The following COL19A1 variants were observed in gnomAD, a reference collection of about 807,000 sequenced individuals.
COL19A1 encodes collagen type XIX alpha 1 chain, also known as collagen alpha-1(XIX) chain.
Under a neutral mutation model 190.2 loss-of-function variants are expected in COL19A1, and 159 were observed. The observed-to-expected ratio is 0.84, with a 90% confidence interval of 0.73 to 0.95. COL19A1 has a LOEUF of 0.95. Among genes scored for constraint, COL19A1 ranks in the 40% least tolerant of loss-of-function variants. The probability of loss-of-function intolerance (pLI) is 0.00; values close to 1 mark genes in which losing one functional copy is unlikely to be tolerated. For missense variants in COL19A1, 1,418 were observed against 1,431.9 expected (o/e 0.99, Z 0.16); for synonymous variants, 509 against 458.9 (o/e 1.11, Z -1.39).
At chr6:70,156,777 C>A (rs1361294461) in intron 34 of COL19A1, 54 bp downstream of exon 34, 4 of 1,406,550 alleles carry the variant, frequency 2.8e-6, no homozygotes, top group African/African-American at 1.4e-5. Context: ...CTTTACGTGG[C>A]TCAACAGAGT....
chr6:70,180,317 A>T lies in COL19A1; in HGVS notation c.2673A>T (p.Lys891Asn). 6.2e-7 allele frequency: 1 copy of T among 1,614,094 alleles called. No homozygotes were observed. The change falls in exon 43 of 51, where the codon AAA becomes AAT. Residue 891 changes from lysine (K) to asparagine (N), a missense_variant. Lys to Asn is a moderately conservative substitution (Grantham distance 94). Transcript: ENST00000620364. The part of the protein sequence containing the change: ...GPPGIAGMSG[K>N]PGAPGPPGVP... ...TCTTCAATTTGCCTTGCCAGGGAAA[A>T]CCTGGTGCCCCAGGGCCTCCAGGAG... is the stretch of plus-strand genomic sequence containing the variant.
At chr6:69,910,306 A>C (rs1356660477) in intron 4 of COL19A1, among the ~76,000 whole-genome samples, 1 of 152,180 alleles carries the variant, frequency 6.6e-6, no homozygotes, top group Non-Finnish European at 1.5e-5. Context: ...TTCTTGTATC[A>C]ATGGTACCAC....
chr6:70,038,854 A>G (rs1314910780), intron 14 of COL19A1, among the ~76,000 whole-genome samples: 3 of 152,036 alleles, frequency 2.0e-5, no homozygotes, highest in Non-Finnish European at 4.4e-5. Context: ...CCATAGATCA[A>G]TGGTTCTCTG....
intron 9 of COL19A1, among the ~76,000 whole-genome samples, chr6:69,943,852 A>G (rs1773622528): frequency 6.6e-6 from 1 of 152,164 alleles, no homozygotes. Context: ...ATTTATACAC[A>G]TACATTATGA....
intron 4 of COL19A1, among the ~76,000 whole-genome samples, chr6:69,905,651 G>A (rs1473273180): frequency 2.6e-5 from 4 of 152,188 alleles, no homozygotes; most frequent in Non-Finnish European, 5.9e-5. Context: ...GGAGTTATAC[G>A]CCTGTGCTCT....
rs554603409 is a variant in COL19A1, at chr6:70,135,416, C to T, written c.1384-2269C>T. On this transcript the variant is annotated intron_variant, in intron 18 of 50. Transcript: ENST00000620364. Reference sequence around the variant, plus strand: ...GTCCTTCTGGTGACCAGCCCAATCCCGAAGCTACCTAGGGGCTGCCAGCTA... The same window carrying T: ...GTCCTTCTGGTGACCAGCCCAATCCTGAAGCTACCTAGGGGCTGCCAGCTA... 3.0e-4 allele frequency among the ~76,000 whole-genome samples: 46 copies of T among 152,268 alleles called. No homozygotes were observed. In the South Asian group the frequency reaches 4.1e-3, roughly 14 times the overall value.
intron 15 of COL19A1, among the ~76,000 whole-genome samples, chr6:70,087,775 C>A (rs3806018): frequency 0.15 from 22,685 of 152,112 alleles, 2,189 homozygotes; most frequent in South Asian, 0.28. Context: ...GGGAAGAAAG[C>A]AAGAAAACTG....
intron 14 of COL19A1, among the ~76,000 whole-genome samples, chr6:70,063,006 C>T (rs1216565116): frequency 6.6e-6 from 1 of 152,036 alleles, no homozygotes; most frequent in Non-Finnish European, 1.5e-5. Context: ...CTACAAAGAG[C>T]CTTAGACTCC....
At chr6:70,192,164 G>T (rs566591691) in intron 48 of COL19A1, among the ~76,000 whole-genome samples, 1 of 152,080 alleles carries the variant, frequency 6.6e-6, no homozygotes, top group Non-Finnish European at 1.5e-5. Context: ...GGGTTCAAGC[G>T]ATTCTCCTGC....
At chr6:69,908,877 TAA>T (rs1400870995) in intron 4 of COL19A1, among the ~76,000 whole-genome samples, 2 of 152,148 alleles carry the variant, frequency 1.3e-5, no homozygotes, top group African/African-American at 2.4e-5. Flanking sequence ...CAGAGAGAAA[TAA>T]GTTTGTTTAA....
At chr6:69,958,039 A>C (rs541469850) in intron 9 of COL19A1, among the ~76,000 whole-genome samples, 1 of 152,140 alleles carries the variant, frequency 6.6e-6, no homozygotes, top group South Asian at 2.1e-4. Context: ...TACAACAATC[A>C]TAAAACCTGT....
intron 24 of COL19A1, 96 bp from the exon 25 acceptor site, chr6:70,144,822 C>T: frequency 1.3e-6 from 1 of 753,748 alleles, no homozygotes; most frequent in East Asian, 2.7e-5. Flanking sequence ...GTTTGACTGG[C>T]TATGATGACA....
At chr6:69,963,657 A>T (rs1481516464) in intron 11 of COL19A1, among the ~76,000 whole-genome samples, 2 of 152,202 alleles carry the variant, frequency 1.3e-5, no homozygotes, top group Non-Finnish European at 2.9e-5. Context: ...AGCCTCCCAA[A>T]GTCCAGAGCA....
chr6:70,174,676 G>A (rs1466985700), intron 41 of COL19A1, among the ~76,000 whole-genome samples: 4 of 152,112 alleles, frequency 2.6e-5, no homozygotes, highest in African/African-American at 7.2e-5. Context: ...TGCTTTTGAC[G>A]GTGAGTACTG....
intron 11 of COL19A1, among the ~76,000 whole-genome samples, chr6:69,992,483 GAAAA>G (rs1009386342): frequency 2.0e-5 from 3 of 150,390 alleles, no homozygotes; most frequent in Admixed American, 2.0e-4. Context: ...TTTAAAAAAA[GAAAA>G]AAAAATGTTG....
At chr6:69,900,413 G>A in intron 4 of COL19A1, 75 bp downstream of exon 4, 4 of 837,372 alleles carry the variant, frequency 4.8e-6, no homozygotes, top group South Asian at 2.5e-5. Flanking sequence ...CAAATAATTT[G>A]TTTTAAAAAT....
intron 15 of COL19A1, among the ~76,000 whole-genome samples, chr6:70,088,196 A>G (rs538117375): frequency 1.3e-5 from 2 of 152,284 alleles, no homozygotes; most frequent in Non-Finnish European, 2.9e-5. Context: ...CCCCTTTCAA[A>G]TGTATATATT....
intron 5 of COL19A1, among the ~76,000 whole-genome samples, chr6:69,928,895 G>A (rs1772567971): frequency 6.6e-6 from 1 of 152,078 alleles, no homozygotes; most frequent in Non-Finnish European, 1.5e-5. Flanking sequence ...ATTTTATGAT[G>A]AGTAGATCAA....
At chr6:70,007,770 A>C (rs1474646535) in intron 11 of COL19A1, among the ~76,000 whole-genome samples, 1 of 151,996 alleles carries the variant, frequency 6.6e-6, no homozygotes, top group Non-Finnish European at 1.5e-5. Context: ...ATAATAAAAT[A>C]CACATTTTTC....
Sources: allele counts gnomAD v4.1 joint callset (sites outside exome capture counted in the v4.1 genomes callset), GRCh38; gene constraint gnomAD v4.1.1; transcripts MANE v1.5; gene names NCBI Gene and HGNC (gene_info 2026-07-23, HGNC 2026-07-21).